Variants in VPS13B observed in about 807,000 individuals in gnomAD.
VPS13B encodes the protein vacuolar protein sorting 13 homolog B, also known as intermembrane lipid transfer protein VPS13B.
A neutral mutation model predicts 426.4 loss-of-function variants in VPS13B; 285 were observed. That is an observed-to-expected ratio of 0.67 (90% CI 0.61 to 0.74). VPS13B has a LOEUF of 0.74. VPS13B is among the 30% of genes least tolerant of loss of function. The pLI, the probability that VPS13B is intolerant of heterozygous loss-of-function variation, is 0.00. For synonymous variants in VPS13B, 1,676 were observed against 1,676.4 expected (o/e 1.00, Z 0.01); for missense variants, 4,537 against 4,782.6 (o/e 0.95, Z 1.51).
At chr8:99,629,659 C>T (rs2133908231) in intron 33 of VPS13B, among the ~76,000 whole-genome samples, 1 of 152,164 alleles carries the variant, frequency 6.6e-6, no homozygotes, top group Non-Finnish European at 1.5e-5. Flanking sequence ...AGAATGGAGA[C>T]TTTGAATAGA....
chr8:99,143,769 A>G (rs1810556618), intron 13 of VPS13B, among the ~76,000 whole-genome samples: 1 of 152,198 alleles, frequency 6.6e-6, no homozygotes, highest in South Asian at 2.1e-4. Flanking sequence ...AAATTTAATT[A>G]ACATCTTTGA....
At chr8:99,185,069 C>T (rs1184449600) in intron 16 of VPS13B, among the ~76,000 whole-genome samples, 1 of 152,170 alleles carries the variant, frequency 6.6e-6, no homozygotes, top group African/African-American at 2.4e-5. Flanking sequence ...TGTGAAAATT[C>T]AGCGTGATAT....
Position 99,296,229 on chromosome 8 carries a change from A to C in VPS13B, c.2824+20975A>C, listed in dbSNP as rs192986771. Among the ~76,000 whole-genome samples the C allele has an allele frequency of 6.6e-4, 101 of 152,288 alleles. 2 individuals are homozygous for C. Among genetic ancestry groups the C allele is most frequent in the African/African-American group, 2.1e-3 (88 of 41,552 alleles). ...TTGTTACCCTTTTAATTATCTATCC[A>C]AATATTACCTGTGTACATATAATTT... On this transcript the variant is annotated intron_variant, in intron 19 of 61. Coordinates refer to ENST00000357162, the MANE Select transcript of VPS13B (RefSeq NM_152564.5).
At chr8:99,091,283 G>C (rs1846133233) in intron 3 of VPS13B, among the ~76,000 whole-genome samples, 1 of 152,078 alleles carries the variant, frequency 6.6e-6, no homozygotes, top group Non-Finnish European at 1.5e-5. Context: ...AGTGAATATG[G>C]TGATCTCTTT....
At chr8:99,160,002 C>T (rs1295823866) in intron 15 of VPS13B, among the ~76,000 whole-genome samples, 1 of 151,446 alleles carries the variant, frequency 6.6e-6, no homozygotes, top group Non-Finnish European at 1.5e-5. Context: ...TTTTTTTTGA[C>T]ATAATGTTAT....
intron 17 of VPS13B, among the ~76,000 whole-genome samples, chr8:99,198,051 G>T (rs190697224): frequency 1.6e-3 from 236 of 152,162 alleles, no homozygotes; most frequent in African/African-American, 5.2e-3. Flanking sequence ...AAAAATGAGG[G>T]TTATGTTATA....
At chr8:99,372,512 C>G (rs1813248978) in intron 19 of VPS13B, among the ~76,000 whole-genome samples, 1 of 152,138 alleles carries the variant, frequency 6.6e-6, no homozygotes. Context: ...GGGATATGAA[C>G]AGACACTTCT....
rs563301679 is a variant in VPS13B at position 99,259,406 on chromosome 8, C to T, written c.2516-14792C>T. ...AGGCACTGATGCTTTGTGTGGGTTCCCCTAATGTTCTTTGGCAACCCCACT... is the reference window on the plus strand; with the variant it reads ...AGGCACTGATGCTTTGTGTGGGTTCTCCTAATGTTCTTTGGCAACCCCACT... On this transcript the variant is annotated intron_variant, in intron 17 of 61. Coordinates refer to ENST00000357162, the MANE Select transcript of VPS13B (RefSeq NM_152564.5). Among the ~76,000 whole-genome samples the T allele has an allele frequency of 1.2e-3, 177 of 152,014 alleles. 1 individual carries two copies. The highest frequency in any genetic ancestry group is 2.2e-3 in the Non-Finnish European group (149 of 67,908).
chr8:99,171,234 T>C (rs1029685440), intron 16 of VPS13B, among the ~76,000 whole-genome samples: 4 of 151,936 alleles, frequency 2.6e-5, no homozygotes, highest in Non-Finnish European at 5.9e-5. Context: ...TTATGTTATA[T>C]AGAGATAGAT....
In VPS13B at chr8:99,632,648, A is replaced by G. The variant is rs576073216; in HGVS notation, c.5221-9163A>G. 9.2e-5 allele frequency among the ~76,000 whole-genome samples: 14 copies of G among 152,126 alleles called. 1 individual carries two copies. The South Asian group carries it at 2.9e-3, about 32-fold the overall frequency. The stretch of plus-strand genomic sequence containing the variant: ...ATGGAGTAGCAGAGAAGAACAAAGT[A>G]TTTGTAATGGAAAAGAAGAATTGGC... On this transcript the variant is annotated intron_variant, in intron 33 of 61. Coordinates refer to ENST00000357162, the MANE Select transcript of VPS13B (RefSeq NM_152564.5).
At chr8:99,192,750 A>C (rs1813672318) in intron 16 of VPS13B, 126 bp from the exon 17 acceptor site, 1 of 871,118 alleles carries the variant, frequency 1.1e-6, no homozygotes, top group South Asian at 1.6e-5. Flanking sequence ...ATTTTGTTTA[A>C]GTAGTATGTT....
In VPS13B at chr8:99,870,029, G is replaced by A. The variant is rs139935081; in HGVS notation, c.11393-756G>A. Among the ~76,000 whole-genome samples, 22 of 152,362 alleles carry A rather than the reference G, an allele frequency of 1.4e-4. No homozygotes were observed. In the East Asian group the frequency reaches 3.1e-3, roughly 21 times the overall value. ...CGTGCTCATAAATGTATATGGATTCGTGTTTAACAGCCGGATTAAGTCGCT... is the reference window on the plus strand; with the variant it reads ...CGTGCTCATAAATGTATATGGATTCATGTTTAACAGCCGGATTAAGTCGCT... On this transcript the variant is annotated intron_variant, in intron 59 of 61. Transcript: ENST00000357162.
chr8:99,248,626 C>T (rs1457906157), intron 17 of VPS13B, among the ~76,000 whole-genome samples: 3 of 152,100 alleles, frequency 2.0e-5, no homozygotes, highest in Admixed American at 6.5e-5. Context: ...TTAACTCTTA[C>T]AGAGAACAAG....
At chr8:99,238,254 G>T (rs1295756125) in intron 17 of VPS13B, among the ~76,000 whole-genome samples, 3 of 151,886 alleles carry the variant, frequency 2.0e-5, no homozygotes, top group Non-Finnish European at 2.9e-5. Flanking sequence ...GTGTGTGTGT[G>T]TGTGTGTGTG....
intron 19 of VPS13B, among the ~76,000 whole-genome samples, chr8:99,352,684 C>T (rs1811955789): frequency 6.6e-6 from 1 of 151,834 alleles, no homozygotes; most frequent in East Asian, 2.0e-4. Context: ...ATTAGCCGGA[C>T]ATGGTAGCGG....
At chr8:99,058,331 C>T (rs1843994884) in intron 3 of VPS13B, among the ~76,000 whole-genome samples, 1 of 150,858 alleles carries the variant, frequency 6.6e-6, no homozygotes, top group Non-Finnish European at 1.5e-5. Flanking sequence ...AGCTATTTTT[C>T]ATAAAATATG....
intron 19 of VPS13B, among the ~76,000 whole-genome samples, chr8:99,376,110 G>C (rs1279207594): frequency 2.0e-5 from 3 of 152,192 alleles, no homozygotes; most frequent in Non-Finnish European, 2.9e-5. Flanking sequence ...GGATAAGTGA[G>C]CCATTTGGGC....
chr8:99,268,128 C>T (rs935319611), intron 17 of VPS13B, among the ~76,000 whole-genome samples: 1 of 152,156 alleles, frequency 6.6e-6, no homozygotes, highest in Non-Finnish European at 1.5e-5. Flanking sequence ...GGAACCTCTG[C>T]TTAGATTTCA....
intron 19 of VPS13B, among the ~76,000 whole-genome samples, chr8:99,291,970 A>G (rs1355810334): frequency 6.6e-6 from 1 of 152,126 alleles, no homozygotes; most frequent in Non-Finnish European, 1.5e-5. Flanking sequence ...AGATAAGTAT[A>G]ATTAGGAATC....
Sources: gnomAD v4.1 joint callset for allele counts (sites outside exome capture counted in the v4.1 genomes callset) on GRCh38, gnomAD v4.1.1 for gene constraint, MANE v1.5 for transcripts, NCBI Gene and HGNC (gene_info 2026-07-23, HGNC 2026-07-21) for gene names.